The following NEDD4L variants were observed in gnomAD, a reference collection of about 807,000 sequenced individuals.
NEDD4L encodes NEDD4 like E3 ubiquitin protein ligase.
Under a neutral mutation model 148.9 loss-of-function variants are expected in NEDD4L, and 54 were observed. That is an observed-to-expected ratio of 0.36 (90% CI 0.29 to 0.45). NEDD4L has a LOEUF of 0.45. Among genes scored for constraint, NEDD4L ranks in the 20% least tolerant of loss-of-function variants. NEDD4L has a pLI of 1.00. For missense variants in NEDD4L, 856 were observed against 1,233.8 expected, an observed-to-expected ratio of 0.69 and a Z score of 4.59; for synonymous variants, 433 against 440.7, an observed-to-expected ratio of 0.98 and a Z score of 0.22.
chr18:58,170,336 C>T (rs569146699), intron 2 of NEDD4L, among the ~76,000 whole-genome samples: 27 of 147,634 alleles, frequency 1.8e-4, no homozygotes, highest in Admixed American at 1.0e-3. Context: ...CTGCTGCCCG[C>T]CTCATCACCC....
rs992773610 is a variant in NEDD4L at position 58,158,369 on chromosome 18, T to C, written c.49-7419T>C. On this transcript the variant is annotated intron_variant, in intron 1 of 30. Transcript: ENST00000400345. Reference sequence around the variant, plus strand: ...ATTAGAAAGGAGTCACTAAATCAGATACCCATGGGAAATTACCCACCTCAT... The same window carrying C: ...ATTAGAAAGGAGTCACTAAATCAGACACCCATGGGAAATTACCCACCTCAT... Among the ~76,000 whole-genome samples, 6 of 152,198 alleles carry C rather than the reference T, an allele frequency of 3.9e-5. No individual in the cohort carries two copies. The East Asian group carries it at 1.2e-3, about 29-fold the overall frequency.
chr18:58,281,308 CT>C lies in NEDD4L; in HGVS notation c.297+29268del, dbSNP rs113081403. ...CAGCCTATATTTTCAAGTCTCTCTC[CT>C]TTTTTTTTTTTTTAAACTGGAAAGG... On this transcript the variant is annotated intron_variant, in intron 5 of 30. Transcript: ENST00000400345. Among the ~76,000 whole-genome samples the C allele has an allele frequency of 4.7e-3, 694 of 146,170 alleles. 3 individuals carry two copies. Among genetic ancestry groups the C allele is most frequent in the African/African-American group, 0.011 (426 of 39,838 alleles).
intron 1 of NEDD4L, among the ~76,000 whole-genome samples, chr18:58,151,352 G>C (rs1344789736): frequency 6.6e-6 from 1 of 151,990 alleles, no homozygotes; most frequent in East Asian, 1.9e-4. Flanking sequence ...CTTCAGTGTT[G>C]GTCCATTTTC....
At chr18:58,164,054 C>T (rs1181687809) in intron 1 of NEDD4L, among the ~76,000 whole-genome samples, 5 of 146,604 alleles carry the variant, frequency 3.4e-5, no homozygotes, top group South Asian at 2.2e-4. Flanking sequence ...TTTTTTGAGA[C>T]CGAGTCTCAA....
At position 58,202,695 on chromosome 18, in the gene NEDD4L, T is replaced by C. The variant is rs143092271; in HGVS notation, c.122+36834T>C. ...GATCCTTTGGGTGGTAGGGTCTTTC[T>C]TGGATAGCGTAGCCATCCATTCCTG... On this transcript the variant is annotated intron_variant, in intron 2 of 30. Transcript: ENST00000400345. 8.5e-4 allele frequency among the ~76,000 whole-genome samples: 130 copies of C among 152,364 alleles called. 1 individual carries two copies. The highest frequency in any genetic ancestry group is 2.9e-3 in the African/African-American group (120 of 41,590).
chr18:58,269,742 C>T (rs2050755252), intron 5 of NEDD4L, among the ~76,000 whole-genome samples: 1 of 151,938 alleles, frequency 6.6e-6, no homozygotes. Flanking sequence ...CCTTGATAAC[C>T]TTTGGTGTAA....
Position 58,165,578 on chromosome 18 carries a change from G to C in NEDD4L, c.49-210G>C, listed in dbSNP as rs2036746172. The stretch of plus-strand genomic sequence containing the variant: ...AATTAAACTTGTGCTTAATTAACTT[G>C]GATGTTCTAAGTTTCTAGAGTCACA... On this transcript the variant is annotated intron_variant, in intron 1 of 30. Transcript: ENST00000400345. 3.4e-6 allele frequency: 3 copies of C among 891,790 alleles called. No individual in the cohort carries two copies. The South Asian group carries it at 1.5e-4, about 46-fold the overall frequency. 55.2% of individuals were successfully genotyped at this position (891,790 alleles called of 1,614,324 possible). A position where few individuals can be genotyped will look rare whatever the true frequency, so the allele number is the denominator to read the frequency against.
At chr18:58,379,158 G>A (rs2047986700) in intron 24 of NEDD4L, among the ~76,000 whole-genome samples, 1 of 152,226 alleles carries the variant, frequency 6.6e-6, no homozygotes. Context: ...ACCCCACAGA[G>A]CAGGCTCTGC....
At chr18:58,150,430 T>C (rs1272102955) in intron 1 of NEDD4L, among the ~76,000 whole-genome samples, 1 of 152,230 alleles carries the variant, frequency 6.6e-6, no homozygotes, top group Non-Finnish European at 1.5e-5. Context: ...TTCTCCATGT[T>C]GGTCAGGCTG....
chr18:58,358,179 C>T (rs554265455), intron 19 of NEDD4L, among the ~76,000 whole-genome samples: 34 of 152,290 alleles, frequency 2.2e-4, no homozygotes, highest in African/African-American at 7.7e-4. Flanking sequence ...TAGTAAGATA[C>T]ATCCATTTGA....
chr18:58,332,901 GAC>G (rs2041184153), intron 11 of NEDD4L, among the ~76,000 whole-genome samples: 2 of 152,128 alleles, frequency 1.3e-5, no homozygotes, highest in South Asian at 4.1e-4. Flanking sequence ...GGAATATTAA[GAC>G]ACTACACAGT....
chr18:58,262,332 T>C (rs2148672803), intron 5 of NEDD4L, among the ~76,000 whole-genome samples: 1 of 152,278 alleles, frequency 6.6e-6, no homozygotes, highest in African/African-American at 2.4e-5. Context: ...TGATAAAATG[T>C]TTTTAAGAAA....
chr18:58,219,137 G>A (rs1288298799), intron 2 of NEDD4L, among the ~76,000 whole-genome samples: 2 of 152,214 alleles, frequency 1.3e-5, no homozygotes, highest in African/African-American at 4.8e-5. Flanking sequence ...TTTGGCAGAA[G>A]CCGATTTCTC....
chr18:58,325,454 T>A (rs2059230765), intron 9 of NEDD4L, among the ~76,000 whole-genome samples: 1 of 152,258 alleles, frequency 6.6e-6, no homozygotes, highest in African/African-American at 2.4e-5. Context: ...GTTGTTTTTC[T>A]TAGACTTATT....
chr18:58,276,769 A>G (rs898944880), intron 5 of NEDD4L, among the ~76,000 whole-genome samples: 32 of 151,868 alleles, frequency 2.1e-4, no homozygotes, highest in African/African-American at 7.5e-4. Flanking sequence ...AAACTACTTA[A>G]GGAGGATTTT....
intron 2 of NEDD4L, among the ~76,000 whole-genome samples, chr18:58,222,925 C>G (rs930118400): frequency 3.9e-5 from 6 of 152,056 alleles, no homozygotes; most frequent in Non-Finnish European, 7.3e-5. Flanking sequence ...GCAAATAACT[C>G]TATAAGGGAA....
intron 1 of NEDD4L, among the ~76,000 whole-genome samples, chr18:58,103,077 C>T (rs946574210): frequency 2.3e-4 from 35 of 151,652 alleles, no homozygotes; most frequent in Non-Finnish European, 4.7e-4. Context: ...CATTTGGTGT[C>T]GATACTCCCA....
chr18:58,341,426 A>G (rs1158169716), intron 14 of NEDD4L, among the ~76,000 whole-genome samples: 1 of 152,206 alleles, frequency 6.6e-6, no homozygotes, highest in Admixed American at 6.5e-5. Flanking sequence ...TGCAGTGTGT[A>G]GCTTCTTCCC....
intron 2 of NEDD4L, among the ~76,000 whole-genome samples, chr18:58,184,899 G>A (rs1308069200): frequency 6.6e-6 from 1 of 151,802 alleles, no homozygotes; most frequent in Non-Finnish European, 1.5e-5. Context: ...CTGCACTCCA[G>A]CCTGGGCGAC....
Sources: allele counts gnomAD v4.1 joint callset (sites outside exome capture counted in the v4.1 genomes callset), GRCh38; gene constraint gnomAD v4.1.1; transcripts MANE v1.5; gene names NCBI Gene and HGNC (gene_info 2026-07-23, HGNC 2026-07-21).